Variants in SRRT observed in about 807,000 individuals in gnomAD.
SRRT encodes serrate, RNA effector molecule.
In SRRT, 32 loss-of-function variants were observed where a neutral mutation model predicts 103.2. That is an observed-to-expected ratio of 0.31 (90% CI 0.23 to 0.42). The LOEUF is 0.42. SRRT is among the 10% of genes least tolerant of loss of function. SRRT has a pLI of 1.00. For synonymous variants in SRRT, 525 were observed against 449.0 expected (o/e 1.17, Z -2.14); for missense variants, 986 against 1,207.5 (o/e 0.82, Z 2.72).
At chr7:100,879,109 C>T (rs1423200067) in intron 2 of SRRT, among the ~76,000 whole-genome samples, 1 of 152,110 alleles carries the variant, frequency 6.6e-6, no homozygotes, top group Non-Finnish European at 1.5e-5. Context: ...GTGCCTGCCA[C>T]CACGCCCGGC....
Position 100,884,768 on chromosome 7 carries a change from A to G in SRRT, c.971A>G (p.Lys324Arg). The change falls in exon 8 of 20, where the codon AAA becomes AGA. Residue 324 changes from lysine (K) to arginine (R), a missense_variant. Transcript: ENST00000611405. ...GAGAATGACAGTTCTAATGATGACA[A>G]AACAAAGAAGTCGGAGGGTGATGGG... ...QAENDSSNDDKTKKSEGDGDK... is the reference protein window; with the variant it reads ...QAENDSSNDDRTKKSEGDGDK... 6.2e-7 allele frequency: 1 copy of G among 1,614,106 alleles called. No individual in the cohort carries two copies. The highest frequency in any genetic ancestry group is 1.1e-5 in the South Asian group (1 of 91,086).
Position 100,887,527 on chromosome 7 carries a change from G to C in SRRT, c.2169+14G>C. The C allele has an allele frequency of 1.2e-6, 2 of 1,612,286 alleles. No homozygotes were observed. Among genetic ancestry groups the C allele is most frequent in the Non-Finnish European group, 1.7e-6 (2 of 1,178,802 alleles). ...AAGAAATTCAAGGTGTGGGATGTTG[G>C]AGAATGGCCGTGCTACGGTGGTGGG... On this transcript the variant is annotated intron_variant, in intron 16 of 19. Coordinates refer to ENST00000611405, the MANE Select transcript of SRRT (RefSeq NM_015908.6). This position sits in a 1 kb window ranked among gnomAD's most constrained non-coding sequence, Gnocchi z 4.1.
Position 100,886,302 on chromosome 7 carries a change from G to A in SRRT, c.1514G>A (p.Arg505His), listed in dbSNP as rs149902453. Residue 505 changes from arginine to histidine, a missense_variant, in exon 13 of 20, where the codon CGC (arginine) becomes CAC (histidine). Arg to His is a conservative substitution (Grantham distance 29). This residue lies in a region of SRRT where 349 missense variants were observed against 446.9 expected (regional missense o/e 0.78). Coordinates refer to ENST00000611405, the MANE Select transcript of SRRT (RefSeq NM_015908.6). Reference protein sequence around the residue: ...GVNRDLTRRVRNINGITQHKQ... With the variant: ...GVNRDLTRRVHNINGITQHKQ... ...AACAGGGACCTGACCCGGCGCGTTC[G>A]CAACATCAACGGCATCACCCAGCAC... 6 of 1,613,384 alleles carry A rather than the reference G, an allele frequency of 3.7e-6. No individual in the cohort carries two copies. Among genetic ancestry groups the A allele is most frequent in the Non-Finnish European group, 5.1e-6 (6 of 1,180,020 alleles).
chr7:100,881,450 T>C (rs760983445), intron 3 of SRRT, 37 bp downstream of exon 3: 5 of 1,601,772 alleles, frequency 3.1e-6, no homozygotes, highest in Non-Finnish European at 4.3e-6. Flanking sequence ...CCCCTTTGCC[T>C]CAGTTCCACC....
chr7:100,876,308 C>T (rs1234216241), intron 2 of SRRT, among the ~76,000 whole-genome samples: 3 of 152,148 alleles, frequency 2.0e-5, no homozygotes, highest in African/African-American at 4.8e-5. Flanking sequence ...CCTGCCACCA[C>T]GCCCGTCTAA....
intron 2 of SRRT, among the ~76,000 whole-genome samples, chr7:100,879,562 A>G (rs1816082250): frequency 2.0e-5 from 3 of 152,214 alleles, no homozygotes; most frequent in Non-Finnish European, 4.4e-5. Context: ...AAAACATGTA[A>G]TGTGTTTCAT....
At position 100,875,234 on chromosome 7, in the gene SRRT, G is replaced by T. The variant is rs921654731; in HGVS notation, c.-113G>T. ...TACTCAAGAGCTCCGTCTCCGTCTC[G>T]CCCTCCTCGAAGTCCTCGTCGCGCG... On this transcript the variant is annotated 5_prime_UTR_variant, in exon 1 of 20. Transcript: ENST00000611405. The T allele has an allele frequency of 1.6e-5, 5 of 321,754 alleles. No individual in the cohort carries two copies. Among genetic ancestry groups the T allele is most frequent in the Non-Finnish European group, 2.7e-5 (5 of 186,614 alleles). The allele number at this position is 321,754 out of a possible 1,614,324, so 19.9% of individuals were successfully genotyped here.
At chr7:100,884,045 T>A in intron 5 of SRRT, 25 bp from the exon 6 acceptor site, 2 of 1,557,720 alleles carry the variant, frequency 1.3e-6, no homozygotes, top group Non-Finnish European at 1.7e-6. Flanking sequence ...CTGTTTTGTC[T>A]TTCCCTCCCC....
chr7:100,879,897 GTGAC>G (rs1816124129), intron 2 of SRRT, among the ~76,000 whole-genome samples: 1 of 152,260 alleles, frequency 6.6e-6, no homozygotes, highest in Non-Finnish European at 1.5e-5. Flanking sequence ...GGAGAGGCTG[GTGAC>G]TGGTCGAGAG....
chr7:100,880,228 T>C (rs1816156456), intron 2 of SRRT, among the ~76,000 whole-genome samples: 1 of 152,194 alleles, frequency 6.6e-6, no homozygotes, highest in South Asian at 2.1e-4. Context: ...GTTCCGTTGA[T>C]ACAGCAGAGT....
In SRRT at chr7:100,884,789, A is replaced by G. The variant is rs767768509; in HGVS notation, c.992A>G (p.Asp331Gly). 17 of 1,614,038 alleles carry G rather than the reference A, an allele frequency of 1.1e-5. No individual in the cohort carries two copies. The South Asian group carries it at 1.6e-4, about 16-fold the overall frequency. The change falls in exon 8 of 20, where the codon GAT (aspartate) becomes GGT (glycine). Residue 331 changes from aspartate (D) to glycine (G), a missense_variant. This residue lies in a region of SRRT where 166 missense variants were observed against 148.6 expected (regional missense o/e 1.12). Transcript: ENST00000611405. Reference protein sequence around the residue: ...NDDKTKKSEGDGDKEEKKEDS... With the variant: ...NDDKTKKSEGGGDKEEKKEDS... Reference sequence around the variant, plus strand: ...GACAAAACAAAGAAGTCGGAGGGTGATGGGGACAAGGAAGAGAAGAAAGAA... The same window carrying G: ...GACAAAACAAAGAAGTCGGAGGGTGGTGGGGACAAGGAAGAGAAGAAAGAA...
At chr7:100,877,710 T>TG (rs1584732177) in intron 2 of SRRT, among the ~76,000 whole-genome samples, 2 of 151,714 alleles carry the variant, frequency 1.3e-5, no homozygotes, top group African/African-American at 4.8e-5. Flanking sequence ...TTAGTAGAGA[T>TG]GGGGTTTCAC....
chr7:100,886,946 A>C lies in SRRT; in HGVS notation c.1799A>C (p.Glu600Ala). 2.5e-6 allele frequency: 4 copies of C among 1,611,970 alleles called. No individual in the cohort carries two copies. Among genetic ancestry groups the C allele is most frequent in the Non-Finnish European group, 3.4e-6 (4 of 1,178,640 alleles). Residue 600 changes from glutamate (E) to alanine (A), a missense_variant, in exon 14 of 20, where the codon GAG becomes GCG. Coordinates refer to ENST00000611405, the MANE Select transcript of SRRT (RefSeq NM_015908.6). Reference sequence around the variant, plus strand: ...GGGAACCCGGCAGAGATCAACGTGGAGCGGGATGAGAAGTTGATTAAGGTG... The same window carrying C: ...GGGAACCCGGCAGAGATCAACGTGGCGCGGGATGAGAAGTTGATTAAGGTG... ...KEGNPAEINV[E>A]RDEKLIKVLD...
chr7:100,875,516 G>T, intron 1 of SRRT, 57 bp from the exon 2 acceptor site: 2 of 1,598,386 alleles, frequency 1.3e-6, no homozygotes, highest in Non-Finnish European at 1.7e-6. Flanking sequence ...GCGAGGGACG[G>T]TCCCTTCCTC....
rs149587305 is a variant in SRRT at position 100,885,028 on chromosome 7, A to G, written c.1147A>G (p.Lys383Glu). ...ESESGQAEEE[K>E]EEAEEALKEK... ...AGAGAGCGGCCAGGCTGAGGAGGAG[A>G]AGGAGGAGGCCGGTAGGGTTTCTTT... is the stretch of plus-strand genomic sequence containing the variant. The change falls in exon 9 of 20, where the codon AAG becomes GAG. Residue 383 changes from lysine to glutamate, a missense_variant. Transcript: ENST00000611405. This position sits in a 1 kb window ranked among gnomAD's most constrained non-coding sequence, Gnocchi z 4.8. 2.1e-4 allele frequency: 345 copies of G among 1,613,724 alleles called. No homozygotes were observed. Among genetic ancestry groups the G allele is most frequent in the East Asian group, 1.8e-4 (8 of 44,856 alleles).
Position 100,882,077 on chromosome 7 carries a change from C to T in SRRT, c.423C>T (p.Asp141=), listed in dbSNP as rs777531466. ...QARLGSIAEI[D]LGVPPPVMKT... ...GGCTGGGCAGCATTGCAGAGATTGA[C>T]CTGGGTGTGCCGCCGCCCGTGATGA... The change falls in exon 5 of 20, where the codon GAC becomes GAT. Residue 141 remains aspartate, a synonymous_variant. Coordinates refer to ENST00000611405, the MANE Select transcript of SRRT (RefSeq NM_015908.6). This position sits in a 1 kb window ranked among gnomAD's most constrained non-coding sequence, Gnocchi z 4.2. The T allele has an allele frequency of 6.2e-7, 1 of 1,613,850 alleles. No homozygotes were observed. Among genetic ancestry groups the T allele is most frequent in the Non-Finnish European group, 8.5e-7 (1 of 1,179,862 alleles).
rs1491280437 is a variant in SRRT, at chr7:100,881,141, G to GT, written c.123-144_123-143insT. ...AAATTTTTTGTAGGGATGGCGGGGG[G>GT]CGGGGGGGGGTCTCACTATTGCCCA... On this transcript the variant is annotated intron_variant, in intron 2 of 19. Coordinates refer to ENST00000611405, the MANE Select transcript of SRRT (RefSeq NM_015908.6). 10 of 769,810 alleles carry GT rather than the reference G, an allele frequency of 1.3e-5. No homozygotes were observed. The African/African-American group carries it at 1.6e-4, about 12-fold the overall frequency. 47.7% of individuals were successfully genotyped at this position (769,810 alleles called of 1,614,324 possible). A position where few individuals can be genotyped will look rare whatever the true frequency, so the allele number is the denominator to read the frequency against.
At chr7:100,888,186 C>T in intron 18 of SRRT, 43 bp downstream of exon 18, 5 of 1,600,006 alleles carry the variant, frequency 3.1e-6, no homozygotes, top group Non-Finnish European at 3.4e-6. Context: ...GAGTGTGTGG[C>T]TTTGGGAGAA....
intron 13 of SRRT, 25 bp from the exon 14 acceptor site, chr7:100,886,770 T>G: frequency 6.2e-7 from 1 of 1,613,500 alleles, no homozygotes; most frequent in Non-Finnish European, 8.5e-7. Flanking sequence ...TTCTCTGCCT[T>G]ACTTGCTTCT....
Sources: gnomAD v4.1 joint callset for allele counts (sites outside exome capture counted in the v4.1 genomes callset) on GRCh38, gnomAD v4.1.1 for gene constraint, gnomAD v4.1.1 regional missense constraint, Gnocchi (gnomAD v3.1) non-coding constraint, MANE v1.5 for transcripts, NCBI Gene and HGNC (gene_info 2026-07-23, HGNC 2026-07-21) for gene names.